TOGARAM1: variants seen among roughly 807,000 people sequenced by gnomAD.
The protein encoded by TOGARAM1 is TOG array regulator of axonemal microtubules protein 1.
TOGARAM1 carries 100 observed loss-of-function variants against 166.6 expected under a neutral mutation model. The ratio of observed to expected loss-of-function variants is 0.60; its 90% CI spans 0.51 to 0.71. The LOEUF (loss-of-function observed/expected upper bound fraction) is 0.71, where lower values mean the gene tolerates loss of function less well. TOGARAM1 is among the 30% of genes least tolerant of loss of function. The pLI is 0.00. For missense variants in TOGARAM1, 2,029 were observed against 2,102.7 expected, an observed-to-expected ratio of 0.96 and a Z score of 0.69; for synonymous variants, 758 against 763.8, an observed-to-expected ratio of 0.99 and a Z score of 0.13.
At chr14:44,980,780 T>C (rs1449535101) in intron 1 of TOGARAM1, among the ~76,000 whole-genome samples, 1 of 152,214 alleles carries the variant, frequency 6.6e-6, no homozygotes, top group Non-Finnish European at 1.5e-5. Flanking sequence ...TAACCTGTTA[T>C]TTTGACAGTA....
chr14:45,066,592 T>C lies in TOGARAM1; in HGVS notation c.4574T>C (p.Val1525Ala). The C allele has an allele frequency of 6.2e-7, 1 of 1,607,534 alleles. No individual in the cohort carries two copies. Among genetic ancestry groups the C allele is most frequent in the Non-Finnish European group, 8.5e-7 (1 of 1,175,298 alleles). Reference sequence around the variant, plus strand: ...TTTCACTTTAGAGCTGTAACTGAAGTTCGTGAAGTCACCAGAAAATCAGTC... The same window carrying C: ...TTTCACTTTAGAGCTGTAACTGAAGCTCGTGAAGTCACCAGAAAATCAGTC... The part of the protein sequence containing the change: ...FNSAERAVTE[V>A]REVTRKSVPR... Residue 1525 changes from valine (V) to alanine (A), a missense_variant, in exon 17 of 20, where the codon GTT becomes GCT. By Grantham distance (64) the Val-to-Ala change is moderately conservative (BLOSUM62 0). Coordinates refer to ENST00000361462, the MANE Select transcript of TOGARAM1 (RefSeq NM_001308120.2).
In TOGARAM1 at chr14:45,053,870, A is replaced by ATATTATTAT. The variant is rs111579133; in HGVS notation, c.4441-544_4441-536dup. Among the ~76,000 whole-genome samples, 375 of 151,282 alleles carry ATATTATTAT rather than the reference A, an allele frequency of 2.5e-3. 4 individuals are homozygous for ATATTATTAT. The highest frequency in any genetic ancestry group is 8.2e-3 in the African/African-American group (338 of 41,166). ...AAGAAGAGTAGTTACGAAATACAGC[A>ATATTATTAT]TATTATTATTATTATTATTATTATT... is the stretch of plus-strand genomic sequence containing the variant. On this transcript the variant is annotated intron_variant, in intron 15 of 19. Coordinates refer to ENST00000361462, the MANE Select transcript of TOGARAM1 (RefSeq NM_001308120.2).
chr14:44,982,423 C>G (rs1296479324), intron 1 of TOGARAM1, among the ~76,000 whole-genome samples: 2 of 152,176 alleles, frequency 1.3e-5, no homozygotes, highest in Non-Finnish European at 2.9e-5. Context: ...ACATCATTAG[C>G]TGGCTACCAT....
intron 11 of TOGARAM1, among the ~76,000 whole-genome samples, 162 bp downstream of exon 11, chr14:45,032,538 T>G (rs1409960491): frequency 1.3e-5 from 2 of 152,252 alleles, no homozygotes; most frequent in African/African-American, 4.8e-5. Flanking sequence ...GTAGCTGAAC[T>G]CTGGCCCTAA....
At chr14:45,031,852 T>A (rs1184572801) in intron 10 of TOGARAM1, among the ~76,000 whole-genome samples, 3 of 152,168 alleles carry the variant, frequency 2.0e-5, no homozygotes, top group African/African-American at 7.2e-5. Context: ...AGAATAATGT[T>A]TGTACCCTTT....
At chr14:44,989,538 A>G (rs1340766597) in intron 1 of TOGARAM1, among the ~76,000 whole-genome samples, 1 of 150,130 alleles carries the variant, frequency 6.7e-6, no homozygotes, top group Non-Finnish European at 1.5e-5. Context: ...GGAGCAGCCT[A>G]TATCAGTACA....
intron 1 of TOGARAM1, among the ~76,000 whole-genome samples, chr14:44,971,051 A>G (rs1207753396): frequency 6.6e-6 from 1 of 151,776 alleles, no homozygotes; most frequent in East Asian, 1.9e-4. Context: ...TGGTTTTGGT[A>G]TTAGGGTAGT....
At chr14:45,058,417 C>T (rs145930638) in intron 16 of TOGARAM1, among the ~76,000 whole-genome samples, 1,574 of 152,076 alleles carry the variant, frequency 0.01, 33 homozygotes, top group African/African-American at 0.036. Flanking sequence ...GCCTCAGCAT[C>T]CCTAGTAGCT....
intron 15 of TOGARAM1, among the ~76,000 whole-genome samples, chr14:45,053,970 C>A (rs1882507163): frequency 6.6e-6 from 1 of 152,058 alleles, no homozygotes; most frequent in African/African-American, 2.4e-5. Context: ...ACCTCTGCCT[C>A]TGGGTTCAAG....
At chr14:45,029,163 T>C (rs1287029349) in intron 10 of TOGARAM1, among the ~76,000 whole-genome samples, 3 of 152,176 alleles carry the variant, frequency 2.0e-5, no homozygotes, top group Non-Finnish European at 4.4e-5. Context: ...TGTACAATTG[T>C]GGCTGAAGAT....
chr14:44,966,440 C>A (rs1885543419), intron 1 of TOGARAM1, among the ~76,000 whole-genome samples: 1 of 151,650 alleles, frequency 6.6e-6, no homozygotes, highest in Admixed American at 6.6e-5. Flanking sequence ...ACCACTGTAC[C>A]CCAGCCTAGG....
chr14:45,026,698 C>T (rs1880860858), intron 8 of TOGARAM1, among the ~76,000 whole-genome samples: 1 of 151,922 alleles, frequency 6.6e-6, no homozygotes, highest in African/African-American at 2.4e-5. Flanking sequence ...TCCTTGAAAC[C>T]ATCTTAAACA....
chr14:45,005,268 C>T (rs185986121), intron 4 of TOGARAM1, among the ~76,000 whole-genome samples: 2 of 152,114 alleles, frequency 1.3e-5, no homozygotes, highest in African/African-American at 4.8e-5. Context: ...TAACAATAAC[C>T]CACTCCAAAA....
intron 14 of TOGARAM1, 85 bp downstream of exon 14, chr14:45,046,788 C>T (rs1034451034): frequency 8.9e-7 from 1 of 1,129,810 alleles, no homozygotes; most frequent in African/African-American, 1.6e-5. Context: ...GAAGAATGAA[C>T]ATTTTCTAAA....
intron 1 of TOGARAM1, among the ~76,000 whole-genome samples, chr14:44,969,485 A>G (rs1885765487): frequency 6.6e-6 from 1 of 151,776 alleles, no homozygotes; most frequent in Non-Finnish European, 1.5e-5. Context: ...ATTTTCTCCC[A>G]CTTTGTGTCT....
intron 16 of TOGARAM1, among the ~76,000 whole-genome samples, chr14:45,062,914 T>C (rs926811826): frequency 6.6e-6 from 1 of 152,178 alleles, no homozygotes; most frequent in Admixed American, 6.5e-5. Context: ...TTTTAGAATA[T>C]TGTTGTCACC....
chr14:44,970,976 G>A (rs1340677434), intron 1 of TOGARAM1, among the ~76,000 whole-genome samples: 7 of 152,144 alleles, frequency 4.6e-5, no homozygotes, highest in Admixed American at 4.6e-4. Flanking sequence ...TTGTTCATAG[G>A]TGATATTGGT....
At chr14:45,021,910 T>A (rs1181706537) in intron 7 of TOGARAM1, among the ~76,000 whole-genome samples, 1 of 152,142 alleles carries the variant, frequency 6.6e-6, no homozygotes, top group East Asian at 1.9e-4. Context: ...AGGTCATTGG[T>A]TAGGAAGGGC....
At chr14:44,997,424 A>AG (rs1887472826) in intron 2 of TOGARAM1, 1 of 152,382 alleles carries the variant, frequency 6.6e-6, no homozygotes, top group South Asian at 2.1e-4. Context: ...AAAAAAAAAA[A>AG]AAAAAAAAGG....
Sources: gnomAD v4.1 joint callset for allele counts (sites outside exome capture counted in the v4.1 genomes callset) on GRCh38, gnomAD v4.1.1 for gene constraint, MANE v1.5 for transcripts, NCBI Gene and HGNC (gene_info 2026-07-23, HGNC 2026-07-21) for gene names.